RALGAPA1: variants seen among roughly 807,000 people sequenced by gnomAD.
The protein encoded by RALGAPA1 is ral GTPase-activating protein subunit alpha-1.
Under a neutral mutation model 269.6 loss-of-function variants are expected in RALGAPA1, and 52 were observed. That is an observed-to-expected ratio of 0.19 (90% CI 0.15 to 0.24). The LOEUF (loss-of-function observed/expected upper bound fraction) is 0.24. Ranked by LOEUF, RALGAPA1 falls within the 10% of genes least tolerant of loss-of-function variation. The pLI is 1.00. For synonymous variants in RALGAPA1, 817 were observed against 1,008.3 expected (o/e 0.81, Z 3.60); for missense variants, 1,917 against 3,013.9 (o/e 0.64, Z 8.52).
chr14:35,664,424 T>C (rs1041698845), intron 27 of RALGAPA1, among the ~76,000 whole-genome samples: 2 of 152,090 alleles, frequency 1.3e-5, no homozygotes, highest in Admixed American at 1.3e-4. Context: ...GACATGTGAG[T>C]AGGTTCAATA....
chr14:35,616,318 A>G (rs1054325915), intron 35 of RALGAPA1, among the ~76,000 whole-genome samples: 3 of 152,204 alleles, frequency 2.0e-5, no homozygotes, highest in Admixed American at 2.0e-4. Context: ...ACCAGTGAAG[A>G]CCTGGAATAA....
chr14:35,770,859 A>AT (rs2074557764), intron 4 of RALGAPA1, 83 bp downstream of exon 4: 1 of 474,742 alleles, frequency 2.1e-6, no homozygotes, highest in Non-Finnish European at 3.8e-6. Context: ...CTATTAATTC[A>AT]TTTCAACTAA....
chr14:35,748,754 G>A lies in RALGAPA1; in HGVS notation c.1082C>T (p.Thr361Ile). The change falls in exon 10 of 42, where the codon ACA (threonine) becomes ATA (isoleucine). Residue 361 changes from threonine (T) to isoleucine (I), a missense_variant. Thr to Ile is a moderately conservative substitution (Grantham distance 89, BLOSUM62 -1). Coordinates refer to ENST00000680220, the MANE Select transcript of RALGAPA1 (RefSeq NM_001346249.2). ...NDNADKTDRT[T>I]EPEQSHSNTS... Reference sequence around the variant, plus strand: ...ATTGGAATGAGACTGTTCGGGTTCTGTAGTTCTGTCTGTTTTATCAGCATT... The same window carrying A: ...ATTGGAATGAGACTGTTCGGGTTCTATAGTTCTGTCTGTTTTATCAGCATT... The A allele has an allele frequency of 1.2e-6, 2 of 1,610,278 alleles. No homozygotes were observed. Among genetic ancestry groups the A allele is most frequent in the South Asian group, 1.1e-5 (1 of 90,942 alleles).
chr14:35,795,452 G>T (rs1201554093), intron 1 of RALGAPA1, among the ~76,000 whole-genome samples: 1 of 152,126 alleles, frequency 6.6e-6, no homozygotes, highest in African/African-American at 2.4e-5. Flanking sequence ...GGAGGGAACA[G>T]TACCAGGTGC....
intron 31 of RALGAPA1, among the ~76,000 whole-genome samples, chr14:35,639,348 A>C (rs2061861224): frequency 6.6e-6 from 1 of 152,236 alleles, no homozygotes; most frequent in Non-Finnish European, 1.5e-5. Flanking sequence ...CTTAAACACC[A>C]CACTTTCAGC....
intron 37 of RALGAPA1, among the ~76,000 whole-genome samples, chr14:35,574,844 GA>G (rs2057436948): frequency 6.6e-6 from 1 of 151,846 alleles, no homozygotes; most frequent in South Asian, 2.1e-4. Context: ...GTGTCCTATG[GA>G]GCAGGGTGTG....
intron 9 of RALGAPA1, among the ~76,000 whole-genome samples, chr14:35,750,089 G>C (rs528419638): frequency 1.3e-5 from 2 of 152,048 alleles, no homozygotes; most frequent in African/African-American, 2.4e-5. Flanking sequence ...AAAAAGGGGG[G>C]AAGGGGGTGT....
intron 17 of RALGAPA1, among the ~76,000 whole-genome samples, chr14:35,695,851 G>T (rs1036097285): frequency 6.6e-6 from 1 of 152,128 alleles, no homozygotes; most frequent in African/African-American, 2.4e-5. Context: ...TGACTGTCAG[G>T]CTGGGTTACC....
chr14:35,676,099 A>G (rs1219528975), intron 22 of RALGAPA1: 1 of 152,218 alleles, frequency 6.6e-6, no homozygotes, highest in East Asian at 1.9e-4. Context: ...ACTCCAGAGC[A>G]CCTTCAAAAT....
At chr14:35,798,617 T>A (rs1289260374) in intron 1 of RALGAPA1, among the ~76,000 whole-genome samples, 2 of 152,222 alleles carry the variant, frequency 1.3e-5, no homozygotes, top group Non-Finnish European at 2.9e-5. Flanking sequence ...AACATTTTTT[T>A]AAGAATCCAT....
At chr14:35,554,342 T>C (rs1439337455) in intron 39 of RALGAPA1, among the ~76,000 whole-genome samples, 10 of 125,306 alleles carry the variant, frequency 8.0e-5, no homozygotes, top group African/African-American at 1.3e-4. Context: ...CACTTTCTTT[T>C]TTTTTTTTTT....
At chr14:35,770,458 A>T (rs1019792895) in intron 4 of RALGAPA1, among the ~76,000 whole-genome samples, 2 of 152,126 alleles carry the variant, frequency 1.3e-5, no homozygotes, top group Non-Finnish European at 1.5e-5. Context: ...AAGGCATCTG[A>T]TTAAAAAAAA....
At chr14:35,757,638 T>TA (rs1474410051) in intron 6 of RALGAPA1, among the ~76,000 whole-genome samples, 2 of 152,240 alleles carry the variant, frequency 1.3e-5, no homozygotes. Context: ...ACCAATCTGT[T>TA]AACACTTACA....
chr14:35,654,366 C>A lies in RALGAPA1; in HGVS notation c.5607+1G>T. On this transcript the variant is annotated splice_donor_variant, in intron 30 of 41. Coordinates refer to ENST00000680220, the MANE Select transcript of RALGAPA1 (RefSeq NM_001346249.2). LOFTEE classifies it high-confidence loss of function. Reference sequence around the variant, plus strand: ...TAATAAATAAATGAGAAATTACTTACTTGAATAATTTTCAAGGGAGAATCA... The same window carrying A: ...TAATAAATAAATGAGAAATTACTTAATTGAATAATTTTCAAGGGAGAATCA... The A allele has an allele frequency of 6.3e-7, 1 of 1,581,158 alleles. No individual in the cohort carries two copies. The highest frequency in any genetic ancestry group is 1.2e-5 in the South Asian group (1 of 82,382).
chr14:35,564,610 A>C, intron 39 of RALGAPA1: 1 of 152,240 alleles, frequency 6.6e-6, no homozygotes. Context: ...AAAAAGTCAA[A>C]TCTAAACAGA....
At chr14:35,624,200 C>A (rs1594864416) in intron 35 of RALGAPA1, among the ~76,000 whole-genome samples, 1 of 122,492 alleles carries the variant, frequency 8.2e-6, no homozygotes, top group Non-Finnish European at 1.7e-5. Flanking sequence ...CCTATGATTC[C>A]AGTTCCGTAA....
At chr14:35,718,862 C>G (rs374594898) in intron 16 of RALGAPA1, among the ~76,000 whole-genome samples, 37 of 131,948 alleles carry the variant, frequency 2.8e-4, no homozygotes, top group African/African-American at 9.6e-4. Context: ...TTTTTGGAAA[C>G]AGGGTCTCAC....
intron 1 of RALGAPA1, among the ~76,000 whole-genome samples, chr14:35,791,432 C>T (rs1289867727): frequency 6.6e-6 from 1 of 152,012 alleles, no homozygotes; most frequent in Non-Finnish European, 1.5e-5. Flanking sequence ...GGCAAAACTC[C>T]GTCTCTACCA....
chr14:35,806,347 G>A (rs1326939016), intron 1 of RALGAPA1, among the ~76,000 whole-genome samples: 2 of 152,028 alleles, frequency 1.3e-5, no homozygotes, highest in African/African-American at 4.8e-5. Flanking sequence ...TTGTAAAATG[G>A]GGGGGAGGGG....
Sources: gnomAD v4.1 joint callset for allele counts (sites outside exome capture counted in the v4.1 genomes callset) on GRCh38, gnomAD v4.1.1 for gene constraint, MANE v1.5 for transcripts, NCBI Gene and HGNC (gene_info 2026-07-23, HGNC 2026-07-21) for gene names.